Variants in CDH18 observed in about 807,000 individuals in gnomAD.
The protein encoded by CDH18 is cadherin 18.
CDH18 carries 31 observed loss-of-function variants against 67.9 expected under a neutral mutation model. The ratio of observed to expected loss-of-function variants is 0.46; its 90% CI spans 0.34 to 0.62. The LOEUF is 0.62. Among genes scored for constraint, CDH18 ranks in the 20% least tolerant of loss-of-function variants. The pLI, the probability that CDH18 is intolerant of heterozygous loss-of-function variation, is 0.01. For missense variants in CDH18, 890 were observed against 975.5 expected, an observed-to-expected ratio of 0.91 and a Z score of 1.17; for synonymous variants, 362 against 347.2, an observed-to-expected ratio of 1.04 and a Z score of -0.48.
intron 2 of CDH18, among the ~76,000 whole-genome samples, chr5:20,078,583 T>TG (rs1452169622): frequency 2.0e-5 from 3 of 151,190 alleles, no homozygotes; most frequent in Non-Finnish European, 4.4e-5. Context: ...TCTGACATTT[T>TG]GTTTTTTTTG....
At chr5:19,975,762 T>C (rs1798440136) in intron 2 of CDH18, among the ~76,000 whole-genome samples, 1 of 152,288 alleles carries the variant, frequency 6.6e-6, no homozygotes, top group African/African-American at 2.4e-5. Flanking sequence ...GCATTTCTTT[T>C]AGTAAAAGAA....
At chr5:19,512,263 A>G (rs1263715030) in intron 10 of CDH18, among the ~76,000 whole-genome samples, 1 of 152,220 alleles carries the variant, frequency 6.6e-6, no homozygotes, top group Admixed American at 6.5e-5. Context: ...AAATTTAAAA[A>G]TACAATCTAT....
At chr5:19,595,877 A>T (rs1223218746) in intron 6 of CDH18, among the ~76,000 whole-genome samples, 1 of 152,224 alleles carries the variant, frequency 6.6e-6, no homozygotes, top group Non-Finnish European at 1.5e-5. Flanking sequence ...ATGTTCAACC[A>T]ACATATCTTT....
chr5:19,520,686 T>C lies in CDH18; in HGVS notation c.1483A>G (p.Ile495Val), dbSNP rs1579972762. ...PPELAREYDI[I>V]VCENSKPGQV... ...CCAGGCTTAGAATTTTCACATACAATAATATCATATTCCCTGGCAAGTTCG... is the reference window on the plus strand; with the variant it reads ...CCAGGCTTAGAATTTTCACATACAACAATATCATATTCCCTGGCAAGTTCG... Residue 495 changes from isoleucine (I) to valine (V), a missense_variant, in exon 10 of 13, where the codon ATT becomes GTT. Around this residue, in one of 2 missense-constraint regions of CDH18, gnomAD observed 656 missense variants for 668.1 expected, o/e 0.98. Transcript: ENST00000382275. 10 of 1,612,998 alleles carry C rather than the reference T, an allele frequency of 6.2e-6. No homozygotes were observed. In the East Asian group the frequency reaches 2.2e-4, roughly 36 times the overall value.
intron 1 of CDH18, among the ~76,000 whole-genome samples, chr5:20,559,270 C>CT (rs920040646): frequency 1.1e-4 from 16 of 152,092 alleles, no homozygotes; most frequent in African/African-American, 3.4e-4. Context: ...AGTTCATCTC[C>CT]TATCTAATAG....
At chr5:19,718,221 A>G (rs1251104071) in intron 5 of CDH18, among the ~76,000 whole-genome samples, 1 of 152,000 alleles carries the variant, frequency 6.6e-6, no homozygotes, top group Non-Finnish European at 1.5e-5. Context: ...CACTGATTTT[A>G]GTCATAAGCA....
chr5:20,536,411 G>GA (rs1272435070), intron 1 of CDH18, among the ~76,000 whole-genome samples: 2 of 152,166 alleles, frequency 1.3e-5, no homozygotes, highest in African/African-American at 2.4e-5. Flanking sequence ...ATACCAGTGA[G>GA]AAAAAATAAA....
intron 2 of CDH18, among the ~76,000 whole-genome samples, chr5:20,225,356 T>G (rs2126471348): frequency 6.6e-6 from 1 of 152,294 alleles, no homozygotes; most frequent in South Asian, 2.1e-4. Flanking sequence ...AGTAGACTTT[T>G]GATGAATATT....
chr5:19,921,940 A>C (rs1446770327), intron 2 of CDH18, among the ~76,000 whole-genome samples: 1 of 152,264 alleles, frequency 6.6e-6, no homozygotes, highest in African/African-American at 2.4e-5. Flanking sequence ...AAGGATTCTA[A>C]ATCGAAAACC....
At chr5:20,071,774 T>C (rs1026136580) in intron 2 of CDH18, among the ~76,000 whole-genome samples, 5 of 152,092 alleles carry the variant, frequency 3.3e-5, no homozygotes, top group Non-Finnish European at 7.4e-5. Flanking sequence ...ACTTGTGCCA[T>C]AAATTTCTTT....
At chr5:20,571,619 A>C (rs1758825653) in intron 1 of CDH18, among the ~76,000 whole-genome samples, 1 of 152,152 alleles carries the variant, frequency 6.6e-6, no homozygotes, top group African/African-American at 2.4e-5. Flanking sequence ...CAAGGTATGT[A>C]AATTTTCAAA....
intron 1 of CDH18, among the ~76,000 whole-genome samples, chr5:20,532,533 C>G (rs774718342): frequency 1.3e-5 from 2 of 152,048 alleles, no homozygotes; most frequent in Non-Finnish European, 2.9e-5. Context: ...TAACTGATTT[C>G]CCTGTAGTTC....
intron 5 of CDH18, among the ~76,000 whole-genome samples, chr5:19,666,078 T>C (rs1239634954): frequency 6.6e-6 from 1 of 151,568 alleles, no homozygotes; most frequent in Admixed American, 6.6e-5. Flanking sequence ...AAATAAAATG[T>C]ATTTTTTTTG....
At chr5:19,732,307 A>T (rs1767713048) in intron 4 of CDH18, among the ~76,000 whole-genome samples, 2 of 152,084 alleles carry the variant, frequency 1.3e-5, no homozygotes, top group Admixed American at 6.5e-5. Context: ...ATAAAAAATT[A>T]TACAGATGTT....
intron 1 of CDH18, among the ~76,000 whole-genome samples, chr5:20,342,730 T>C (rs1177663366): frequency 3.3e-5 from 5 of 152,200 alleles, no homozygotes; most frequent in Non-Finnish European, 7.3e-5. Context: ...GCATTTAATG[T>C]TGCAGGTCAG....
chr5:20,117,024 T>TGA (rs1554092432), intron 2 of CDH18, among the ~76,000 whole-genome samples: 4 of 149,708 alleles, frequency 2.7e-5, no homozygotes, highest in African/African-American at 1.0e-4. Flanking sequence ...TGTGTGTGTG[T>TGA]GTGTGAGTGT....
At chr5:20,424,506 C>A (rs1748129188) in intron 1 of CDH18, among the ~76,000 whole-genome samples, 1 of 150,324 alleles carries the variant, frequency 6.7e-6, no homozygotes, top group Non-Finnish European at 1.5e-5. Context: ...AATCCCAGCA[C>A]TTTGGGAGGC....
At chr5:19,724,879 T>A (rs1378636757) in intron 4 of CDH18, among the ~76,000 whole-genome samples, 1 of 151,854 alleles carries the variant, frequency 6.6e-6, no homozygotes, top group Non-Finnish European at 1.5e-5. Context: ...ATATAGACTA[T>A]CTCTTCCACT....
intron 2 of CDH18, among the ~76,000 whole-genome samples, chr5:20,100,160 G>A (rs111695811): frequency 6.6e-6 from 1 of 152,044 alleles, no homozygotes; most frequent in Admixed American, 6.6e-5. Flanking sequence ...ACAAAGATTT[G>A]TCCCAAATAA....
Sources: gnomAD v4.1 joint callset for allele counts (sites outside exome capture counted in the v4.1 genomes callset) on GRCh38, gnomAD v4.1.1 for gene constraint, gnomAD v4.1.1 regional missense constraint, MANE v1.5 for transcripts, NCBI Gene and HGNC (gene_info 2026-07-23, HGNC 2026-07-21) for gene names.